Variants in USP36 observed in about 807,000 individuals in gnomAD.
The protein encoded by USP36 is ubiquitin specific peptidase 36.
In USP36, 59 loss-of-function variants were observed where a neutral mutation model predicts 111.5. That is an observed-to-expected ratio of 0.53 (90% CI 0.43 to 0.66). USP36 has a LOEUF of 0.66. Ranked by LOEUF, USP36 falls within the 30% of genes least tolerant of loss-of-function variation. USP36 has a pLI of 0.00. For synonymous variants in USP36, 628 were observed against 581.0 expected (o/e 1.08, Z -1.16); for missense variants, 1,488 against 1,468.0 (o/e 1.01, Z -0.22).
chr17:78,815,798 G>A (rs1379401229), intron 10 of USP36, among the ~76,000 whole-genome samples: 2 of 151,780 alleles, frequency 1.3e-5, no homozygotes, highest in Non-Finnish European at 2.9e-5. Flanking sequence ...ATACATACAT[G>A]CATACATACA....
intron 13 of USP36, among the ~76,000 whole-genome samples, chr17:78,811,983 G>C (rs965015725): frequency 6.6e-6 from 1 of 152,172 alleles, no homozygotes; most frequent in Non-Finnish European, 1.5e-5. Context: ...GGGCTGAGGA[G>C]CTTAAGACCA....
chr17:78,818,783 G>A lies in USP36; in HGVS notation c.912-5C>T, dbSNP rs892437467. 7 of 1,609,596 alleles carry A rather than the reference G, an allele frequency of 4.3e-6. No homozygotes were observed. Among genetic ancestry groups the A allele is most frequent in the Non-Finnish European group, 4.3e-6 (5 of 1,176,420 alleles). ...GCTGGAACCTTCTTCTTGCATCTAT[G>A]AAGAAGGTGATGAGAAAGATTAATG... On this transcript the variant is annotated splice_region_variant and splice_polypyrimidine_tract_variant and intron_variant, in intron 9 of 20. Transcript: ENST00000449938.
chr17:78,816,308 C>T lies in USP36; in HGVS notation c.1024-1756G>A, dbSNP rs144005453. Among the ~76,000 whole-genome samples, 1,297 of 152,006 alleles carry T rather than the reference C, an allele frequency of 8.5e-3. 13 individuals carry two copies. Among genetic ancestry groups the T allele is most frequent in the African/African-American group, 0.028 (1,174 of 41,452 alleles). ...CCAAGTAGCTGGGACTATAGGCACG[C>T]GCCACCATGACTGGCCAATTAATAA... On this transcript the variant is annotated intron_variant, in intron 10 of 20. Coordinates refer to ENST00000449938, the MANE Select transcript of USP36 (RefSeq NM_001385174.1).
chr17:78,802,225 C>T lies in USP36; in HGVS notation c.3022+99G>A, dbSNP rs189292618. ...ACCCCTCGCCCAGTGCACGCCCATGCGGTCCCCCAACCCCTCGCCCGGTGC... is the reference window on the plus strand; with the variant it reads ...ACCCCTCGCCCAGTGCACGCCCATGTGGTCCCCCAACCCCTCGCCCGGTGC... On this transcript the variant is annotated intron_variant, in intron 17 of 20. Transcript: ENST00000449938. 27 of 1,310,852 alleles carry T rather than the reference C, an allele frequency of 2.1e-5. No individual in the cohort carries two copies. In the Middle Eastern group the frequency reaches 8.5e-4, roughly 41 times the overall value. The allele number at this position is 1,310,852 out of a possible 1,614,324, so 81.2% of individuals were successfully genotyped here.
In USP36 at chr17:78,839,093, TAAC is replaced by T. The variant is rs886690421; in HGVS notation, c.-173-346_-173-344del. On this transcript the variant is annotated intron_variant, in intron 1 of 20. Transcript: ENST00000449938. ...ATTTAATGAACCAGTAAAACTTCAA[TAAC>T]AACAACAACAAACCTCAGGGAGTAA... is the stretch of plus-strand genomic sequence containing the variant. Among the ~76,000 whole-genome samples the T allele has an allele frequency of 3.9e-5, 6 of 152,242 alleles. No individual in the cohort carries two copies. In the South Asian group the frequency reaches 6.2e-4, roughly 16 times the overall value.
At chr17:78,834,578 C>T (rs150265420) in intron 4 of USP36, among the ~76,000 whole-genome samples, 8,536 of 152,012 alleles carry the variant, frequency 0.056, 747 homozygotes, top group African/African-American at 0.19. Context: ...TCCCGAGCAG[C>T]TGGGATTACA....
At position 78,798,519 on chromosome 17, in the gene USP36, C is replaced by T. The variant is rs1468749632; in HGVS notation, c.3273G>A (p.Lys1091=). Residue 1091 remains lysine, a synonymous_variant, in exon 20 of 21, where the codon AAG becomes AAA. Transcript: ENST00000449938. The surrounding 1 kb of genome is among the most constrained non-coding windows in gnomAD (Gnocchi z 5.1). ...TCTGGAAGGCGTTGAAGTTTCTCCT[C>T]TTCTCTCTCTTAAATTTTTTAATTT... ...EKKIKKFKRE[K]RRNFNAFQKL... 2 of 1,614,118 alleles carry T rather than the reference C, an allele frequency of 1.2e-6. No individual in the cohort carries two copies. The highest frequency in any genetic ancestry group is 1.7e-6 in the Non-Finnish European group (2 of 1,180,032).
At chr17:78,804,097 G>A (rs2093827941) in intron 15 of USP36, 119 bp from the exon 16 acceptor site, 2 of 671,538 alleles carry the variant, frequency 3.0e-6, no homozygotes, top group South Asian at 4.1e-5. Context: ...CTTTTACCCT[G>A]TAGTTTTCAG....
chr17:78,822,060 T>C, intron 6 of USP36, 56 bp from the exon 7 acceptor site: 1 of 1,603,040 alleles, frequency 6.2e-7, no homozygotes, highest in Non-Finnish European at 8.5e-7. Context: ...ACACGAGGGA[T>C]GGCCCCATCC....
In USP36 at chr17:78,836,110, C is replaced by T; in HGVS notation, c.253+1G>A. The T allele has an allele frequency of 6.2e-7, 1 of 1,613,104 alleles. No homozygotes were observed. On this transcript the variant is annotated splice_donor_variant, in intron 3 of 20. Transcript: ENST00000449938. LOFTEE classifies it high-confidence loss of function. ...TCTGCCAGCACACTGCACATCTGTA[C>T]CCTGTCTCCTGGCCGGTGGGTCATC...
In USP36 at chr17:78,828,934, G is replaced by A. The variant is rs34651394; in HGVS notation, c.549C>T (p.Asn183=). ...HIVQAFANSG[N]AIKPVSFIRD... is the part of the protein sequence containing the mutation. The stretch of plus-strand genomic sequence containing the variant: ...GGATGAAGGAGACGGGCTTGATGGC[G>A]TTGCCGCTGTTGGCGAAGGCCTGGA... The change falls in exon 5 of 21, where the codon AAC becomes AAT. Residue 183 remains asparagine (N), a synonymous_variant. Transcript: ENST00000449938. 1,418 of 1,614,206 alleles carry A rather than the reference G, an allele frequency of 8.8e-4. 6 individuals carry two copies. The African/African-American group carries it at 0.017, about 19-fold the overall frequency.
intron 2 of USP36, among the ~76,000 whole-genome samples, chr17:78,838,134 G>A (rs769156620): frequency 7.9e-5 from 12 of 151,728 alleles, no homozygotes; most frequent in African/African-American, 1.2e-4. Context: ...TGTAATCCCA[G>A]CACTTGGGAG....
At chr17:78,834,304 T>G (rs1400663091) in intron 4 of USP36, among the ~76,000 whole-genome samples, 1 of 152,008 alleles carries the variant, frequency 6.6e-6, no homozygotes, top group African/African-American at 2.4e-5. Context: ...ATGGGAAGAT[T>G]TTTAACCAAT....
chr17:78,819,618 C>A (rs2094271173), intron 9 of USP36, among the ~76,000 whole-genome samples: 2 of 152,222 alleles, frequency 1.3e-5, no homozygotes, highest in Non-Finnish European at 2.9e-5. Flanking sequence ...TTGGTGTGGC[C>A]CCATGGCTGG....
chr17:78,806,781 C>T (rs1191809970), intron 14 of USP36, among the ~76,000 whole-genome samples, 178 bp downstream of exon 14: 2 of 152,230 alleles, frequency 1.3e-5, no homozygotes, highest in Non-Finnish European at 2.9e-5. Flanking sequence ...ACTGCCTTCA[C>T]CCCAAGATAG....
chr17:78,798,257 C>CCACACA lies in USP36; in HGVS notation c.*20+137_*20+142dup. Reference sequence around the variant, plus strand: ...GACACACACCACAGACGCGCCCACACCACACACACCACCCAACACACATGT... The same window carrying CCACACA: ...GACACACACCACAGACGCGCCCACACCACACACACACACACCACCCAACACACATGT... On this transcript the variant is annotated intron_variant, in intron 20 of 20. Coordinates refer to ENST00000449938, the MANE Select transcript of USP36 (RefSeq NM_001385174.1). The surrounding 1 kb of genome is among the most constrained non-coding windows in gnomAD (Gnocchi z 5.1). 8.7e-7 allele frequency: 1 copy of CCACACA among 1,144,464 alleles called. No individual in the cohort carries two copies. Among genetic ancestry groups the CCACACA allele is most frequent in the Non-Finnish European group, 1.2e-6 (1 of 823,052 alleles). The allele number at this position is 1,144,464 out of a possible 1,614,324, so 70.9% of individuals were successfully genotyped here.
At chr17:78,823,401 A>G (rs9890452) in intron 6 of USP36, among the ~76,000 whole-genome samples, 8,919 of 152,166 alleles carry the variant, frequency 0.059, 834 homozygotes, top group African/African-American at 0.2. Flanking sequence ...GCAGGGCCAC[A>G]AGGAATCCCC....
downstream of USP36, among the ~76,000 whole-genome samples, chr17:78,794,091 C>T (rs533567921): frequency 6.6e-6 from 1 of 152,208 alleles, no homozygotes; most frequent in Non-Finnish European, 1.5e-5. Context: ...TCTGTCATCT[C>T]ACCTCTTGAG....
chr17:78,796,250 A>C lies in USP36; in HGVS notation c.*1650T>G, dbSNP rs1265331486. On this transcript the variant is annotated 3_prime_UTR_variant, in exon 21 of 21. Coordinates refer to ENST00000449938, the MANE Select transcript of USP36 (RefSeq NM_001385174.1). The stretch of plus-strand genomic sequence containing the variant: ...TTTCAACTACAGAACATCACACGGT[A>C]AACATGGCAGAGGGAACAGTTCACA... 1 of 152,264 alleles carries C rather than the reference A, an allele frequency of 6.6e-6. No homozygotes were observed. Among genetic ancestry groups the C allele is most frequent in the Non-Finnish European group, 1.5e-5 (1 of 68,058 alleles). The allele number at this position is 152,264 out of a possible 1,614,324, so 9.4% of individuals were successfully genotyped here.
Sources: gnomAD v4.1 joint callset for allele counts (sites outside exome capture counted in the v4.1 genomes callset) on GRCh38, gnomAD v4.1.1 for gene constraint, Gnocchi (gnomAD v3.1) non-coding constraint, MANE v1.5 for transcripts, NCBI Gene and HGNC (gene_info 2026-07-23, HGNC 2026-07-21) for gene names.